The following SIVA1 variants were observed in gnomAD, a reference collection of about 807,000 sequenced individuals.
SIVA1 encodes the protein apoptosis regulatory protein Siva.
In SIVA1, 10 loss-of-function variants were observed where a neutral mutation model predicts 19.7. The observed-to-expected ratio is 0.51, with a 90% CI of 0.31 to 0.86. The LOEUF (loss-of-function observed/expected upper bound fraction) is 0.86. Among genes scored for constraint, SIVA1 ranks in the 40% least tolerant of loss-of-function variants. The pLI is 0.04. For missense variants in SIVA1, 241 were observed against 245.2 expected, an observed-to-expected ratio of 0.98 and a Z score of 0.11; for synonymous variants, 130 against 106.1, an observed-to-expected ratio of 1.23 and a Z score of -1.39.
chr14:104,755,866 G>A (rs1188256930), intron 2 of SIVA1, 42 bp downstream of exon 2: 20 of 1,561,712 alleles, frequency 1.3e-5, no homozygotes, highest in Non-Finnish European at 1.8e-5. Flanking sequence ...GGCACTGAGG[G>A]CAGGTGGTGG....
chr14:104,755,853 T>C, intron 2 of SIVA1, 29 bp downstream of exon 2: 1 of 1,600,958 alleles, frequency 6.2e-7, no homozygotes, highest in East Asian at 2.2e-5. Flanking sequence ...CCTTTGTGGC[T>C]GTGGCACTGA....
Position 104,755,776 on chromosome 14 carries a change from G to A in SIVA1, c.265G>A (p.Gly89Arg). The A allele has an allele frequency of 1.2e-6, 2 of 1,614,050 alleles. No homozygotes were observed. Among genetic ancestry groups the A allele is most frequent in the East Asian group, 2.2e-5 (1 of 44,886 alleles). Residue 89 changes from glycine to arginine, a missense_variant, in exon 2 of 4, where the codon GGA (glycine) becomes AGA (arginine). Coordinates refer to ENST00000329967, the MANE Select transcript of SIVA1 (RefSeq NM_006427.4). Reference sequence around the variant, plus strand: ...GGCTGCACGTGGGCAGATGCTGATTGGACCAGACGGCCGCCTGATCAGGAG... The same window carrying A: ...GGCTGCACGTGGGCAGATGCTGATTAGACCAGACGGCCGCCTGATCAGGAG... Reference protein sequence around the residue: ...PRAARGQMLIGPDGRLIRSLG... With the variant: ...PRAARGQMLIRPDGRLIRSLG...
At chr14:104,757,022 G>A (rs1891913099) in intron 3 of SIVA1, 1 of 535,142 alleles carries the variant, frequency 1.9e-6, no homozygotes, top group Non-Finnish European at 3.3e-6. Flanking sequence ...GCCACTTCCT[G>A]TTCTGATCTT....
In SIVA1 at chr14:104,756,187, C is replaced by T. The variant is rs570838102; in HGVS notation, c.313+363C>T. On this transcript the variant is annotated intron_variant, in intron 2 of 3. Transcript: ENST00000329967. Reference sequence around the variant, plus strand: ...TGTTGCTGGTTAGAAATGCAATCCCCGACTCTACCTCAAGTCTGGTTGGTG... The same window carrying T: ...TGTTGCTGGTTAGAAATGCAATCCCTGACTCTACCTCAAGTCTGGTTGGTG... The T allele has an allele frequency of 3.8e-5, 17 of 442,686 alleles. No individual in the cohort carries two copies. In the East Asian group the frequency reaches 7.3e-4, roughly 19 times the overall value. The allele number at this position is 442,686 out of a possible 1,614,324, so 27.4% of individuals were successfully genotyped here.
At chr14:104,756,209 GGT>G (rs1891883751) in intron 2 of SIVA1, 1 of 437,240 alleles carries the variant, frequency 2.3e-6, no homozygotes, top group Non-Finnish European at 4.2e-6. Context: ...AAGTCTGGTT[GGT>G]GTGTCTAGGA....
intron 1 of SIVA1, among the ~76,000 whole-genome samples, chr14:104,754,860 A>G (rs1891832189): frequency 6.6e-6 from 1 of 152,152 alleles, no homozygotes; most frequent in Admixed American, 6.5e-5. Flanking sequence ...CCCTGTCACT[A>G]TTATTGCTGC....
chr14:104,753,190 G>T lies in SIVA1; in HGVS notation c.-12G>T. 6.5e-7 allele frequency: 1 copy of T among 1,543,876 alleles called. No homozygotes were observed. Among genetic ancestry groups the T allele is most frequent in the East Asian group, 2.4e-5 (1 of 41,136 alleles). On this transcript the variant is annotated 5_prime_UTR_variant, in exon 1 of 4. Coordinates refer to ENST00000329967, the MANE Select transcript of SIVA1 (RefSeq NM_006427.4). ...GCGGCCGGGGAGCTGCGTAGCTCCC[G>T]GCCCCGCGGCCATGCCCAAGCGGAG... is the stretch of plus-strand genomic sequence containing the variant.
At chr14:104,758,447 C>T (rs1891973800) in intron 3 of SIVA1, 1 of 152,224 alleles carries the variant, frequency 6.6e-6, no homozygotes, top group Non-Finnish European at 1.5e-5. Flanking sequence ...ATCACTTTCT[C>T]CCTGTGTTTT....
Position 104,759,529 on chromosome 14 carries a change from A to G in SIVA1, c.*44A>G, listed in dbSNP as rs760524308. On this transcript the variant is annotated 3_prime_UTR_variant, in exon 4 of 4. Coordinates refer to ENST00000329967, the MANE Select transcript of SIVA1 (RefSeq NM_006427.4). The surrounding 1 kb of genome is among the most constrained non-coding windows in gnomAD (Gnocchi z 4.2). ...GCCTTCACCGGGAGCCACGCCGTGCATGGCAGCCTTCCCTGGACGAGCGCT... is the reference window on the plus strand; with the variant it reads ...GCCTTCACCGGGAGCCACGCCGTGCGTGGCAGCCTTCCCTGGACGAGCGCT... 1 of 1,557,598 alleles carries G rather than the reference A, an allele frequency of 6.4e-7. No homozygotes were observed. The highest frequency in any genetic ancestry group is 8.8e-7 in the Non-Finnish European group (1 of 1,137,974).
intron 1 of SIVA1, among the ~76,000 whole-genome samples, chr14:104,753,532 C>T (rs546781527): frequency 4.6e-5 from 7 of 152,324 alleles, no homozygotes; most frequent in Admixed American, 2.0e-4. Flanking sequence ...TTCGCCCACC[C>T]TGTCCAACAG....
In SIVA1 at chr14:104,755,712, G is replaced by C; in HGVS notation, c.201G>C (p.Leu67=). 6.2e-7 allele frequency: 1 copy of C among 1,614,100 alleles called. No individual in the cohort carries two copies. The highest frequency in any genetic ancestry group is 8.5e-7 in the Non-Finnish European group (1 of 1,179,992). ...VWDEGCAVVH[L]PESPKPGPTG... is the part of the protein sequence containing the mutation. ...ATGAAGGCTGTGCCGTCGTTCACCT[G>C]CCAGAGTCCCCAAAGCCTGGCCCTA... Residue 67 remains leucine (L), a synonymous_variant, in exon 2 of 4, where the codon CTG becomes CTC. Transcript: ENST00000329967.
At position 104,753,237 on chromosome 14, in the gene SIVA1, C is replaced by G; in HGVS notation, c.36C>G (p.Ala12=). ...GGAGCTGCCCCTTCGCGGACGTGGC[C>G]CCGCTACAGCTCAAGGTCCGCGTGA... is the stretch of plus-strand genomic sequence containing the variant. ...PKRSCPFADV[A]PLQLKVRVSQ... The change falls in exon 1 of 4, where the codon GCC becomes GCG. Residue 12 remains alanine, a synonymous_variant. Transcript: ENST00000329967. 3.1e-6 allele frequency: 5 copies of G among 1,589,544 alleles called. No homozygotes were observed. The highest frequency in any genetic ancestry group is 2.3e-5 in the South Asian group (2 of 87,832).
intron 3 of SIVA1, 54 bp downstream of exon 3, chr14:104,756,814 G>T: frequency 1.9e-6 from 3 of 1,550,994 alleles, no homozygotes; most frequent in Non-Finnish European, 2.6e-6. Context: ...AGCAAGCCGT[G>T]ATGGGGGACG....
At position 104,759,161 on chromosome 14, in the gene SIVA1, T is replaced by C. The variant is rs1022085423; in HGVS notation, c.471-267T>C. ...ATCTTTGGTGTTCCCTGTAGACAGC[T>C]GCCCCCTCCCTGTATCTTCATGTCG... On this transcript the variant is annotated intron_variant, in intron 3 of 3. Transcript: ENST00000329967. This position sits in a 1 kb window ranked among gnomAD's most constrained non-coding sequence, Gnocchi z 4.2. 1 of 348,422 alleles carries C rather than the reference T, an allele frequency of 2.9e-6. No homozygotes were observed. Among genetic ancestry groups the C allele is most frequent in the Non-Finnish European group, 5.2e-6 (1 of 190,848 alleles). The allele number at this position is 348,422 out of a possible 1,614,324, so 21.6% of individuals were successfully genotyped here.
At chr14:104,753,571 C>T (rs1371444666) in intron 1 of SIVA1, 1 of 517,130 alleles carries the variant, frequency 1.9e-6, no homozygotes, top group African/African-American at 2.0e-5. Context: ...CTGCCCCTAG[C>T]CCCCGCGCCC....
At position 104,753,234 on chromosome 14, in the gene SIVA1, G is replaced by A; in HGVS notation, c.33G>A (p.Val11=). 1 of 1,587,868 alleles carries A rather than the reference G, an allele frequency of 6.3e-7. No individual in the cohort carries two copies. Among genetic ancestry groups the A allele is most frequent in the Non-Finnish European group, 8.5e-7 (1 of 1,169,790 alleles). Reference sequence around the variant, plus strand: ...AGCGGAGCTGCCCCTTCGCGGACGTGGCCCCGCTACAGCTCAAGGTCCGCG... The same window carrying A: ...AGCGGAGCTGCCCCTTCGCGGACGTAGCCCCGCTACAGCTCAAGGTCCGCG... MPKRSCPFAD[V]APLQLKVRVS... Residue 11 remains valine (V), a synonymous_variant, in exon 1 of 4, where the codon GTG becomes GTA. Coordinates refer to ENST00000329967, the MANE Select transcript of SIVA1 (RefSeq NM_006427.4).
At chr14:104,755,978 C>G (rs1306883659) in intron 2 of SIVA1, 154 bp downstream of exon 2, 1 of 750,532 alleles carries the variant, frequency 1.3e-6, no homozygotes, top group Non-Finnish European at 2.3e-6. Flanking sequence ...CTCCTGTTAT[C>G]AGGAGGTCTC....
intron 3 of SIVA1, chr14:104,757,694 C>G (rs1352182419): frequency 6.5e-6 from 1 of 153,242 alleles, no homozygotes; most frequent in Non-Finnish European, 1.5e-5. Flanking sequence ...ATCTTCTTTC[C>G]TAGAAGTAAA....
chr14:104,753,573 C>G (rs1891780019), intron 1 of SIVA1: 2 of 523,168 alleles, frequency 3.8e-6, no homozygotes, highest in Non-Finnish European at 3.4e-6. Flanking sequence ...GCCCCTAGCC[C>G]CCGCGCCCTC....
Sources: gnomAD v4.1 joint callset for allele counts (sites outside exome capture counted in the v4.1 genomes callset) on GRCh38, gnomAD v4.1.1 for gene constraint, Gnocchi (gnomAD v3.1) non-coding constraint, MANE v1.5 for transcripts, NCBI Gene and HGNC (gene_info 2026-07-23, HGNC 2026-07-21) for gene names.